The following LARS1 variants were observed in gnomAD, a reference collection of about 807,000 sequenced individuals.
LARS1 encodes leucine--tRNA ligase, cytoplasmic.
A neutral mutation model predicts 162.8 loss-of-function variants in LARS1; 100 were observed. The ratio of observed to expected loss-of-function variants is 0.61; its 90% confidence interval spans 0.52 to 0.73. LARS1 has a LOEUF of 0.73. LARS1 is among the 30% of genes least tolerant of loss of function. The pLI, the probability that LARS1 is intolerant of heterozygous loss-of-function variation, is 0.00. For missense variants in LARS1, 1,258 were observed against 1,408.9 expected (o/e 0.89, Z 1.71); for synonymous variants, 457 against 462.8 (o/e 0.99, Z 0.16).
chr5:146,139,872 CAAA>C lies in LARS1; in HGVS notation c.2148+329_2148+331del, dbSNP rs34203668. On this transcript the variant is annotated intron_variant, in intron 21 of 31. Transcript: ENST00000394434. ...TGTGGGAGACAGCGAGACTCCGTCT[CAAA>C]AAAAAAAAAAAAAAAAAAAAAATTA... 5.8e-3 allele frequency among the ~76,000 whole-genome samples: 487 copies of C among 83,324 alleles called. 2 individuals carry two copies. Among genetic ancestry groups the C allele is most frequent in the African/African-American group, 0.025 (468 of 18,698 alleles). The allele number at this position is 83,324 out of a possible 152,430, so 54.7% of individuals were successfully genotyped here.
At position 146,174,505 on chromosome 5, in the gene LARS1, T is replaced by TATGTATATATCC. The variant is rs1561498012; in HGVS notation, c.126-1732_126-1731insGGATATATACAT. Reference sequence around the variant, plus strand: ...ATATCCATATATATATATATCCATATATATATATATATATCCATATATATA... The same window carrying TATGTATATATCC: ...ATATCCATATATATATATATCCATATATGTATATATCCATATATATATATATCCATATATATA... On this transcript the variant is annotated intron_variant, in intron 2 of 31. Transcript: ENST00000394434. Among the ~76,000 whole-genome samples, 53 of 17,512 alleles carry TATGTATATATCC rather than the reference T, an allele frequency of 3.0e-3. 1 individual carries two copies. The highest frequency in any genetic ancestry group is 4.9e-3 in the African/African-American group (30 of 6,118). 11.5% of individuals were successfully genotyped at this position (17,512 alleles called of 152,430 possible).
chr5:146,128,952 T>TAA (rs747958835), intron 26 of LARS1, 26 bp downstream of exon 26: 204 of 1,193,228 alleles, frequency 1.7e-4, no homozygotes, highest in Admixed American at 4.2e-4. Flanking sequence ...AATAATCCTT[T>TAA]AAAAAAAAAA....
At chr5:146,134,809 C>T (rs1192375439) in intron 22 of LARS1, among the ~76,000 whole-genome samples, 1 of 152,104 alleles carries the variant, frequency 6.6e-6, no homozygotes, top group African/African-American at 2.4e-5. Flanking sequence ...ATTAGCCAAG[C>T]GTGCAGGCAC....
intron 22 of LARS1, among the ~76,000 whole-genome samples, chr5:146,133,923 C>T (rs1440765376): frequency 6.6e-6 from 1 of 152,188 alleles, no homozygotes; most frequent in Admixed American, 6.5e-5. Context: ...CGGCTCAGTG[C>T]AACCTCCGCC....
intron 15 of LARS1, among the ~76,000 whole-genome samples, chr5:146,149,418 G>A (rs531683097): frequency 2.0e-5 from 3 of 152,184 alleles, no homozygotes; most frequent in Non-Finnish European, 2.9e-5. Flanking sequence ...TGCACACATC[G>A]ACTTTAAAAC....
At chr5:146,177,170 A>T (rs940502141) in intron 2 of LARS1, among the ~76,000 whole-genome samples, 2 of 152,182 alleles carry the variant, frequency 1.3e-5, no homozygotes, top group Non-Finnish European at 2.9e-5. Context: ...ACGGTTTTAG[A>T]AATACAATGC....
At position 146,144,293 on chromosome 5, in the gene LARS1, T is replaced by C; in HGVS notation, c.1712A>G (p.His571Arg). 6 of 1,612,894 alleles carry C rather than the reference T, an allele frequency of 3.7e-6. No homozygotes were observed. Among genetic ancestry groups the C allele is most frequent in the Non-Finnish European group, 5.1e-6 (6 of 1,179,710 alleles). ...TAGACCATAAGTTCTTGAGCAAGCATGTTCTTGTAGCCAACCTAAGGTGGC... is the reference window on the plus strand; with the variant it reads ...TAGACCATAAGTTCTTGAGCAAGCACGTTCTTGTAGCCAACCTAAGGTGGC... ...FEATLGWLQEHACSRTYGLGT... is the reference protein window; with the variant it reads ...FEATLGWLQERACSRTYGLGT... The change falls in exon 18 of 32, where the codon CAT becomes CGT. Residue 571 changes from histidine to arginine, a missense_variant. Coordinates refer to ENST00000394434, the MANE Select transcript of LARS1 (RefSeq NM_020117.11).
intron 6 of LARS1, among the ~76,000 whole-genome samples, chr5:146,161,351 C>T (rs113068541): frequency 0.026 from 4,002 of 152,224 alleles, 157 homozygotes; most frequent in African/African-American, 0.086. Context: ...AAGTTTGCCA[C>T]ATCCATTGAC....
chr5:146,151,929 C>T lies in LARS1; in HGVS notation c.1358G>A (p.Ser453Asn). ...TGCAAGTTTTTCCCGGTCATTCTGG[C>T]TCTGAATTTTCAACTCATCACAAAT... ...VTICDELKIQ[S>N]QNDREKLAEA... Residue 453 changes from serine (S) to asparagine (N), a missense_variant, in exon 14 of 32, where the codon AGC becomes AAC. Transcript: ENST00000394434. 1.2e-6 allele frequency: 2 copies of T among 1,614,100 alleles called. No individual in the cohort carries two copies. The highest frequency in any genetic ancestry group is 1.7e-6 in the Non-Finnish European group (2 of 1,180,012).
rs151245897 is a variant in LARS1 at position 146,151,918 on chromosome 5, G to A, written c.1369C>T (p.Arg457Trp). ...DELKIQSQNDREKLAEAKEKI... is the reference protein window; with the variant it reads ...DELKIQSQNDWEKLAEAKEKI... ...TCCTTTGCTTCTGCAAGTTTTTCCC[G>A]GTCATTCTGGCTCTGAATTTTCAAC... Residue 457 changes from arginine (R) to tryptophan (W), a missense_variant, in exon 14 of 32, where the codon CGG (arginine) becomes TGG (tryptophan). Physicochemically the swap from Arg to Trp is moderately radical, Grantham distance 101. Coordinates refer to ENST00000394434, the MANE Select transcript of LARS1 (RefSeq NM_020117.11). 965 of 1,613,722 alleles carry A rather than the reference G, an allele frequency of 6.0e-4. 2 individuals carry two copies. The highest frequency in any genetic ancestry group is 7.2e-4 in the Non-Finnish European group (853 of 1,179,940).
In LARS1 at chr5:146,154,876, G is replaced by A. The variant is rs555931378; in HGVS notation, c.1066-896C>T. 2.6e-5 allele frequency among the ~76,000 whole-genome samples: 4 copies of A among 151,394 alleles called. No homozygotes were observed. In the East Asian group the frequency reaches 7.7e-4, roughly 29 times the overall value. On this transcript the variant is annotated intron_variant, in intron 10 of 31. Transcript: ENST00000394434. ...GGAAAAATAATTTTTTTTTTGAGATGGAGTTCTGCTCTTGTTACTCAAGCT... is the reference window on the plus strand; with the variant it reads ...GGAAAAATAATTTTTTTTTTGAGATAGAGTTCTGCTCTTGTTACTCAAGCT...
intron 3 of LARS1, 51 bp downstream of exon 3, chr5:146,172,636 T>A: frequency 9.5e-7 from 1 of 1,053,708 alleles, no homozygotes; most frequent in Middle Eastern, 2.1e-4. Context: ...TTCAAAACAA[T>A]ATTCGTTAAA....
At chr5:146,132,721 T>G (rs1752337303) in intron 23 of LARS1, 177 bp downstream of exon 23, 2 of 468,868 alleles carry the variant, frequency 4.3e-6, no homozygotes, top group South Asian at 1.0e-4. Context: ...AGTCAGATAA[T>G]GGACACAAAA....
In LARS1 at chr5:146,122,508, T is replaced by C; in HGVS notation, c.3176A>G (p.Asn1059Ser). ...TCAACTTACTTCTATTCTAAAAACA[T>C]TAAGTGGTTTCCCAGGACAGCAGTC... ...REDCCPGKPL[N>S]VFRIEPGVSV... The change falls in exon 30 of 32, where the codon AAT becomes AGT. Residue 1059 changes from asparagine (N) to serine (S), a missense_variant. Coordinates refer to ENST00000394434, the MANE Select transcript of LARS1 (RefSeq NM_020117.11). 6.3e-7 allele frequency: 1 copy of C among 1,598,070 alleles called. No homozygotes were observed. The highest frequency in any genetic ancestry group is 8.6e-7 in the Non-Finnish European group (1 of 1,167,010).
At chr5:146,116,604 T>G (rs941506896) in intron 31 of LARS1, among the ~76,000 whole-genome samples, 4 of 152,224 alleles carry the variant, frequency 2.6e-5, no homozygotes, top group African/African-American at 9.6e-5. Context: ...AATTTAAGCC[T>G]GCAACTACAT....
chr5:146,161,405 G>A (rs941534562), intron 6 of LARS1, among the ~76,000 whole-genome samples: 5 of 152,076 alleles, frequency 3.3e-5, no homozygotes, highest in African/African-American at 9.7e-5. Context: ...GATGCTGTCT[G>A]ATAGCATTTT....
At chr5:146,182,410 G>T in intron 1 of LARS1, 78 bp downstream of exon 1, 1 of 1,575,074 alleles carries the variant, frequency 6.3e-7, no homozygotes, top group Non-Finnish European at 8.7e-7. Flanking sequence ...TTTCCCTTCA[G>T]GACAGCACAT....
At chr5:146,143,111 T>TATATATA in intron 19 of LARS1, 27 bp from the exon 20 acceptor site, 3 of 1,081,350 alleles carry the variant, frequency 2.8e-6, no homozygotes, top group Admixed American at 2.9e-5. Flanking sequence ...ACAAACTATT[T>TATATATA]TATATATATA....
intron 12 of LARS1, 138 bp from the exon 13 acceptor site, chr5:146,153,365 A>G (rs192500856): frequency 6.1e-4 from 394 of 644,770 alleles, no homozygotes; most frequent in Non-Finnish European, 9.5e-4. Context: ...GCAATTTTCT[A>G]ACTTTGCCAA....
Sources: gnomAD v4.1 joint callset for allele counts (sites outside exome capture counted in the v4.1 genomes callset) on GRCh38, gnomAD v4.1.1 for gene constraint, MANE v1.5 for transcripts, NCBI Gene and HGNC (gene_info 2026-07-23, HGNC 2026-07-21) for gene names.